Variants in IQCM observed in about 807,000 individuals in gnomAD.
IQCM encodes IQ motif containing M.
In IQCM, 45 loss-of-function variants were observed where a neutral mutation model predicts 57.6. That is an observed-to-expected ratio of 0.78 (90% CI 0.62 to 1.00). The LOEUF is 1.00. IQCM is among the 50% of genes least tolerant of loss of function. The pLI is 0.00. For missense variants in IQCM, 468 were observed against 511.6 expected, an observed-to-expected ratio of 0.91 and a Z score of 0.82; for synonymous variants, 148 against 158.9, an observed-to-expected ratio of 0.93 and a Z score of 0.51.
At chr4:149,442,718 T>G (rs1053010959) in intron 12 of IQCM, among the ~76,000 whole-genome samples, 1 of 152,018 alleles carries the variant, frequency 6.6e-6, no homozygotes, top group African/African-American at 2.4e-5. Flanking sequence ...TTCCTTACCA[T>G]GCTCCTCACT....
At chr4:149,565,510 A>T (rs1173992775) in intron 9 of IQCM, among the ~76,000 whole-genome samples, 1 of 152,132 alleles carries the variant, frequency 6.6e-6, no homozygotes, top group Admixed American at 6.6e-5. Context: ...TCTATATTGT[A>T]TGTCATTTGA....
At chr4:149,356,231 A>G (rs936620788) in intron 13 of IQCM, among the ~76,000 whole-genome samples, 4 of 152,182 alleles carry the variant, frequency 2.6e-5, no homozygotes, top group Admixed American at 6.5e-5. Flanking sequence ...TTTGCTGTAC[A>G]GAAGCTCTTT....
chr4:149,702,800 C>T (rs1259956632), intron 5 of IQCM, among the ~76,000 whole-genome samples: 1 of 151,890 alleles, frequency 6.6e-6, no homozygotes, highest in East Asian at 1.9e-4. Flanking sequence ...TTTTGGCTAT[C>T]TGAAAGATTA....
chr4:149,686,656 G>A (rs1196834532), intron 5 of IQCM, among the ~76,000 whole-genome samples, 188 bp from the exon 6 acceptor site: 1 of 151,520 alleles, frequency 6.6e-6, no homozygotes, highest in Non-Finnish European at 1.5e-5. Context: ...CAGATGCTTT[G>A]CAATTACTAA....
intron 13 of IQCM, among the ~76,000 whole-genome samples, chr4:149,357,792 G>A (rs1033354407): frequency 1.3e-5 from 2 of 152,020 alleles, no homozygotes; most frequent in Admixed American, 1.3e-4. Flanking sequence ...CTCTTTTTCT[G>A]TTGATTGGAA....
At chr4:149,699,485 T>C (rs1338329877) in intron 5 of IQCM, among the ~76,000 whole-genome samples, 2 of 151,906 alleles carry the variant, frequency 1.3e-5, no homozygotes, top group African/African-American at 4.8e-5. Flanking sequence ...TTATCAAATC[T>C]GAGCCTTTGC....
At chr4:149,679,044 A>T (rs1761981421) in intron 7 of IQCM, among the ~76,000 whole-genome samples, 1 of 151,720 alleles carries the variant, frequency 6.6e-6, no homozygotes. Context: ...ATATCTTTTA[A>T]AAAGGAAATG....
At chr4:149,360,197 C>T (rs1729373146) in intron 13 of IQCM, among the ~76,000 whole-genome samples, 1 of 152,040 alleles carries the variant, frequency 6.6e-6, no homozygotes, top group South Asian at 2.1e-4. Flanking sequence ...TACCTCAATT[C>T]AACTAACTGT....
intron 13 of IQCM, among the ~76,000 whole-genome samples, chr4:149,368,786 A>G (rs1229890390): frequency 3.5e-5 from 4 of 114,060 alleles, no homozygotes; most frequent in African/African-American, 6.3e-5. Context: ...ATATACATGT[A>G]TATATATACA....
At chr4:149,689,145 A>T (rs1215771929) in intron 5 of IQCM, among the ~76,000 whole-genome samples, 1 of 152,076 alleles carries the variant, frequency 6.6e-6, no homozygotes, top group Non-Finnish European at 1.5e-5. Flanking sequence ...AATAGCAAAG[A>T]CTTGGAACCA....
At chr4:149,484,306 T>C (rs1741233116) in intron 12 of IQCM, among the ~76,000 whole-genome samples, 1 of 152,056 alleles carries the variant, frequency 6.6e-6, no homozygotes, top group African/African-American at 2.4e-5. Flanking sequence ...GCATTCAATG[T>C]TATTATTGAT....
chr4:149,528,319 TCAA>T (rs1746382662), intron 12 of IQCM, among the ~76,000 whole-genome samples: 3 of 152,146 alleles, frequency 2.0e-5, no homozygotes, highest in Non-Finnish European at 4.4e-5. Flanking sequence ...CTCAGTTGTC[TCAA>T]CTGAGGCACC....
chr4:149,425,140 A>T (rs1404107141), intron 13 of IQCM, among the ~76,000 whole-genome samples: 2 of 152,072 alleles, frequency 1.3e-5, no homozygotes, highest in Non-Finnish European at 2.9e-5. Flanking sequence ...GAAAATGCAC[A>T]TAAAATGTAT....
intron 2 of IQCM, among the ~76,000 whole-genome samples, chr4:149,768,248 T>C (rs1283356945): frequency 6.6e-6 from 1 of 152,134 alleles, no homozygotes; most frequent in African/African-American, 2.4e-5. Flanking sequence ...AAAATCCTTC[T>C]GAAATTTGGA....
chr4:149,364,594 C>T (rs1242732008), intron 13 of IQCM, among the ~76,000 whole-genome samples: 1 of 152,014 alleles, frequency 6.6e-6, no homozygotes, highest in Non-Finnish European at 1.5e-5. Flanking sequence ...TTGAGGATGT[C>T]TGCACCAGAT....
chr4:149,473,286 C>T (rs1739789781), intron 12 of IQCM, among the ~76,000 whole-genome samples: 3 of 152,026 alleles, frequency 2.0e-5, no homozygotes, highest in Non-Finnish European at 4.4e-5. Context: ...AGAAAAAAAT[C>T]AAACAACCTC....
chr4:149,506,860 G>A (rs1043263827), intron 12 of IQCM, among the ~76,000 whole-genome samples: 2 of 152,122 alleles, frequency 1.3e-5, no homozygotes, highest in Non-Finnish European at 2.9e-5. Context: ...GCAAGAGTGT[G>A]AGGGGAAAGG....
intron 13 of IQCM, among the ~76,000 whole-genome samples, chr4:149,426,917 G>A (rs1481831267): frequency 1.3e-5 from 2 of 151,858 alleles, no homozygotes; most frequent in Admixed American, 6.6e-5. Context: ...TTGGAGACTG[G>A]CTACCACTCT....
At chr4:149,372,496 A>G (rs1730431417) in intron 13 of IQCM, among the ~76,000 whole-genome samples, 1 of 152,036 alleles carries the variant, frequency 6.6e-6, no homozygotes, top group African/African-American at 2.4e-5. Context: ...TTGAATGGAG[A>G]AAGCCTCATT....
Sources: gnomAD v4.1 joint callset for allele counts (sites outside exome capture counted in the v4.1 genomes callset) on GRCh38, gnomAD v4.1.1 for gene constraint, MANE v1.5 for transcripts, NCBI Gene and HGNC (gene_info 2026-07-23, HGNC 2026-07-21) for gene names.